Variants in CEMIP observed in about 807,000 individuals in gnomAD.
CEMIP encodes the protein cell migration inducing hyaluronidase 1, also known as cell migration-inducing and hyaluronan-binding protein.
A neutral mutation model predicts 156.9 loss-of-function variants in CEMIP; 105 were observed. The observed-to-expected ratio is 0.67, with a 90% CI of 0.57 to 0.79. The LOEUF (loss-of-function observed/expected upper bound fraction) is 0.79, where lower values mean the gene tolerates loss of function less well. CEMIP is among the 30% of genes least tolerant of loss of function. The pLI, the probability that CEMIP is intolerant of heterozygous loss-of-function variation, is 0.00. For missense variants in CEMIP, 1,457 were observed against 1,769.4 expected (o/e 0.82, Z 3.17); for synonymous variants, 676 against 668.4 (o/e 1.01, Z -0.17).
chr15:80,899,362 C>A (rs761614326), intron 12 of CEMIP, among the ~76,000 whole-genome samples: 3 of 152,114 alleles, frequency 2.0e-5, no homozygotes, highest in Non-Finnish European at 4.4e-5. Flanking sequence ...TAGATATCCA[C>A]CAAAGTATTG....
intron 1 of CEMIP, among the ~76,000 whole-genome samples, chr15:80,865,370 C>T (rs1431589833): frequency 6.6e-6 from 1 of 151,800 alleles, no homozygotes; most frequent in Admixed American, 6.6e-5. Context: ...TTAGTAGAGA[C>T]GGAGTTTCAC....
intron 1 of CEMIP, among the ~76,000 whole-genome samples, chr15:80,845,067 A>G (rs1324394849): frequency 6.6e-6 from 1 of 152,256 alleles, no homozygotes; most frequent in Non-Finnish European, 1.5e-5. Context: ...ATATACATAT[A>G]TAGATAAAGC....
chr15:80,951,160 C>G lies in CEMIP; in HGVS notation c.*2236C>G, dbSNP rs750296067. 2 of 152,662 alleles carry G rather than the reference C, an allele frequency of 1.3e-5. No individual in the cohort carries two copies. The highest frequency in any genetic ancestry group is 2.9e-5 in the Non-Finnish European group (2 of 68,054). 9.5% of individuals were successfully genotyped at this position (152,662 alleles called of 1,614,324 possible). The stretch of plus-strand genomic sequence containing the variant: ...TCCACGGTTTTGTTGAGTTTTCACT[C>G]TTCTAATGCAAGGGTCTCACACTGT... On this transcript the variant is annotated 3_prime_UTR_variant, in exon 30 of 30. Coordinates refer to ENST00000394685, the MANE Select transcript of CEMIP (RefSeq NM_001293298.2).
At chr15:80,840,418 C>A (rs556943191) in intron 1 of CEMIP, among the ~76,000 whole-genome samples, 2 of 152,202 alleles carry the variant, frequency 1.3e-5, no homozygotes, top group African/African-American at 4.8e-5. Flanking sequence ...CCGGCTGGCC[C>A]ACGGGTAATG....
chr15:80,933,299 A>G lies in CEMIP; in HGVS notation c.2848A>G (p.Met950Val). ...TGGGCCCTGGTTCAACCAGCTGGAC[A>G]TGGATGGGGATAAGACATCTGTGTT... ...EPGPWFNQLD[M>V]DGDKTSVFHD... Residue 950 changes from methionine (M) to valine (V), a missense_variant, in exon 23 of 30, where the codon ATG (methionine) becomes GTG (valine). Physicochemically the swap from Met to Val is conservative, Grantham distance 21. Transcript: ENST00000394685. 4.3e-6 allele frequency: 7 copies of G among 1,614,198 alleles called. No homozygotes were observed. Among genetic ancestry groups the G allele is most frequent in the South Asian group, 3.3e-5 (3 of 91,092 alleles).
At chr15:80,934,757 G>T (rs546076841) in intron 23 of CEMIP, among the ~76,000 whole-genome samples, 1 of 152,252 alleles carries the variant, frequency 6.6e-6, no homozygotes, top group Admixed American at 6.5e-5. Context: ...AGCTGGTGGG[G>T]GTCAGGTGCC....
intron 17 of CEMIP, 43 bp downstream of exon 17, chr15:80,922,180 C>T (rs762236815): frequency 3.1e-6 from 5 of 1,612,508 alleles, no homozygotes; most frequent in African/African-American, 1.3e-5. Flanking sequence ...GCCTCTCGGT[C>T]CCCTTCCCAG....
At chr15:80,782,435 C>A (rs1480325830) in intron 1 of CEMIP, among the ~76,000 whole-genome samples, 1 of 152,178 alleles carries the variant, frequency 6.6e-6, no homozygotes. Context: ...GATACTTGCT[C>A]TGCCCAGAGC....
chr15:80,855,899 G>A (rs1005048276), intron 1 of CEMIP, among the ~76,000 whole-genome samples: 2 of 152,140 alleles, frequency 1.3e-5, no homozygotes, highest in Admixed American at 1.3e-4. Flanking sequence ...TTGTGTAGTA[G>A]AGCATATTAA....
intron 1 of CEMIP, among the ~76,000 whole-genome samples, chr15:80,811,507 C>T (rs991366220): frequency 2.3e-4 from 35 of 152,234 alleles, no homozygotes; most frequent in African/African-American, 8.2e-4. Flanking sequence ...CCCAAACTGA[C>T]AGTGATGAAT....
intron 12 of CEMIP, among the ~76,000 whole-genome samples, chr15:80,904,136 A>C (rs1899689029): frequency 6.6e-6 from 1 of 152,240 alleles, no homozygotes; most frequent in Admixed American, 6.5e-5. Flanking sequence ...CAGGGCACAG[A>C]GCTTTTTGGC....
At chr15:80,858,006 CAGAG>C in intron 1 of CEMIP, among the ~76,000 whole-genome samples, 1 of 152,092 alleles carries the variant, frequency 6.6e-6, no homozygotes, top group East Asian at 1.9e-4. Flanking sequence ...AAGGAAATGA[CAGAG>C]AGGCCCATGT....
At chr15:80,823,711 T>G (rs995944184) in intron 1 of CEMIP, among the ~76,000 whole-genome samples, 1 of 152,176 alleles carries the variant, frequency 6.6e-6, no homozygotes, top group African/African-American at 2.4e-5. Flanking sequence ...TTACTAATTT[T>G]TAAGATAGGG....
intron 1 of CEMIP, among the ~76,000 whole-genome samples, chr15:80,860,808 CCCTCTGA>C (rs1897966188): frequency 6.6e-6 from 1 of 152,114 alleles, no homozygotes; most frequent in Non-Finnish European, 1.5e-5. Context: ...GACCCCTCTG[CCCTCTGA>C]CCTCACCACA....
intron 1 of CEMIP, among the ~76,000 whole-genome samples, chr15:80,828,213 T>C (rs1408142385): frequency 6.6e-6 from 1 of 152,046 alleles, no homozygotes; most frequent in African/African-American, 2.4e-5. Flanking sequence ...ACCTCGTCTC[T>C]ACTAAAAATA....
chr15:80,938,719 C>G lies in CEMIP; in HGVS notation c.3407+740C>G, dbSNP rs138730402. Among the ~76,000 whole-genome samples, 1,480 of 152,324 alleles carry G rather than the reference C, an allele frequency of 9.7e-3. 24 individuals are homozygous for G. The highest frequency in any genetic ancestry group is 0.034 in the African/African-American group (1,428 of 41,560). On this transcript the variant is annotated intron_variant, in intron 25 of 29. Transcript: ENST00000394685. Reference sequence around the variant, plus strand: ...TTCAAAGCCCTCACCCTTTTGCTAACCTGCACTAGGTTCTATTCAATAGAG... The same window carrying G: ...TTCAAAGCCCTCACCCTTTTGCTAAGCTGCACTAGGTTCTATTCAATAGAG...
At chr15:80,838,906 C>T (rs1163449711) in intron 1 of CEMIP, among the ~76,000 whole-genome samples, 11 of 152,176 alleles carry the variant, frequency 7.2e-5, no homozygotes, top group Non-Finnish European at 1.5e-4. Context: ...CTGTGCTCCC[C>T]GGCTTCTGCC....
At chr15:80,931,640 C>T (rs560190050) in intron 21 of CEMIP, among the ~76,000 whole-genome samples, 1 of 152,124 alleles carries the variant, frequency 6.6e-6, no homozygotes, top group East Asian at 1.9e-4. Flanking sequence ...TGTGTCTATA[C>T]ATGCTTTAAA....
chr15:80,845,189 T>C (rs1479542220), intron 1 of CEMIP, among the ~76,000 whole-genome samples: 1 of 152,144 alleles, frequency 6.6e-6, no homozygotes, highest in East Asian at 1.9e-4. Context: ...GATGGCACTT[T>C]GGGAGCCAAG....
Sources: allele counts gnomAD v4.1 joint callset (sites outside exome capture counted in the v4.1 genomes callset), GRCh38; gene constraint gnomAD v4.1.1; transcripts MANE v1.5; gene names NCBI Gene and HGNC (gene_info 2026-07-23, HGNC 2026-07-21).